ACACA: variants seen among roughly 807,000 people sequenced by gnomAD.
The protein encoded by ACACA is acetyl-CoA carboxylase alpha, also known as acetyl-CoA carboxylase 1.
A neutral mutation model predicts 296.1 loss-of-function variants in ACACA; 103 were observed. That is an observed-to-expected ratio of 0.35 (90% CI 0.30 to 0.41). The LOEUF is 0.41. Among genes scored for constraint, ACACA ranks in the 10% least tolerant of loss-of-function variants. The pLI, the probability that ACACA is intolerant of heterozygous loss-of-function variation, is 1.00. For synonymous variants in ACACA, 953 were observed against 1,038.6 expected (o/e 0.92, Z 1.58); for missense variants, 1,554 against 2,989.7 (o/e 0.52, Z 11.20).
chr17:37,179,201 G>A (rs563338096), intron 41 of ACACA, 59 bp downstream of exon 41: 2 of 1,608,912 alleles, frequency 1.2e-6, no homozygotes, highest in South Asian at 1.1e-5. Context: ...CCACCTCACA[G>A]AAAGCTGGTA....
intron 45 of ACACA, among the ~76,000 whole-genome samples, chr17:37,134,890 C>G (rs2075268384): frequency 6.6e-6 from 1 of 151,966 alleles, no homozygotes; most frequent in Non-Finnish European, 1.5e-5. Flanking sequence ...TGGGATCTGT[C>G]AGGTTATTGA....
chr17:37,199,239 C>CA (rs1367557401), intron 35 of ACACA, among the ~76,000 whole-genome samples: 1,300 of 95,606 alleles, frequency 0.014, 24 homozygotes, highest in East Asian at 0.078. Context: ...GACACTCTCT[C>CA]AAAAAAAAAA....
intron 1 of ACACA, among the ~76,000 whole-genome samples, chr17:37,353,835 T>C (rs1165783907): frequency 6.6e-6 from 1 of 151,708 alleles, no homozygotes; most frequent in East Asian, 2.0e-4. Flanking sequence ...TTGCTGGGCA[T>C]GGTGGCTCAT....
chr17:37,367,375 C>A (rs2049646341), intron 1 of ACACA, among the ~76,000 whole-genome samples: 2 of 152,028 alleles, frequency 1.3e-5, no homozygotes, highest in Admixed American at 6.6e-5. Flanking sequence ...AGAACCGATT[C>A]TTGGTATTGG....
intron 52 of ACACA, 30 bp downstream of exon 52, chr17:37,111,501 T>A (rs368481786): frequency 6.5e-7 from 1 of 1,539,178 alleles, no homozygotes; most frequent in Admixed American, 1.7e-5. Flanking sequence ...GAATGGCTCA[T>A]TGATTTGCCA....
At chr17:37,215,536 G>A (rs2078943863) in intron 29 of ACACA, among the ~76,000 whole-genome samples, 1 of 152,294 alleles carries the variant, frequency 6.6e-6, no homozygotes, top group East Asian at 1.9e-4. Context: ...CTTTACATAT[G>A]TTTGTATAAA....
intron 1 of ACACA, chr17:37,376,141 A>G: frequency 6.2e-6 from 10 of 1,611,532 alleles, no homozygotes; most frequent in Non-Finnish European, 8.5e-6. Context: ...CTATGATGCC[A>G]ACAAGAAAGG....
At chr17:37,245,300 C>T in intron 19 of ACACA, 86 bp from the exon 20 acceptor site, 1 of 1,385,718 alleles carries the variant, frequency 7.2e-7, no homozygotes, top group Non-Finnish European at 1.0e-6. Flanking sequence ...CCCTTAGCAT[C>T]TAAGTTGGAC....
chr17:37,251,418 A>G (rs1279328689), intron 16 of ACACA, among the ~76,000 whole-genome samples: 2 of 152,274 alleles, frequency 1.3e-5, no homozygotes, highest in Non-Finnish European at 2.9e-5. Context: ...GGGAGTTGAT[A>G]TAAGTCTAAC....
At chr17:37,147,020 G>C (rs2075840157) in intron 45 of ACACA, among the ~76,000 whole-genome samples, 1 of 151,850 alleles carries the variant, frequency 6.6e-6, no homozygotes, top group South Asian at 2.1e-4. Flanking sequence ...TTTTCAAAGG[G>C]GTCAACAGGA....
At chr17:37,114,418 A>T (rs1044624097) in intron 50 of ACACA, among the ~76,000 whole-genome samples, 1 of 151,506 alleles carries the variant, frequency 6.6e-6, no homozygotes, top group Non-Finnish European at 1.5e-5. Context: ...CCATAGTCCC[A>T]GCAACCCAGG....
intron 19 of ACACA, among the ~76,000 whole-genome samples, chr17:37,246,395 A>T (rs888523263): frequency 6.6e-6 from 1 of 151,892 alleles, no homozygotes; most frequent in Non-Finnish European, 1.5e-5. Flanking sequence ...TTTCTTTTTC[A>T]TTCTTATTTC....
intron 1 of ACACA, among the ~76,000 whole-genome samples, chr17:37,356,115 C>G (rs2049129883): frequency 6.6e-6 from 1 of 151,962 alleles, no homozygotes. Flanking sequence ...TTGCAGTGAG[C>G]CGAGATCGTG....
At chr17:37,177,269 C>CGTGTGTGTGT (rs112439511) in intron 41 of ACACA, among the ~76,000 whole-genome samples, 221 of 146,530 alleles carry the variant, frequency 1.5e-3, no homozygotes, top group African/African-American at 5.3e-3. Context: ...TTAAAAAATT[C>CGTGTGTGTGT]GTGTGTGTGT....
chr17:37,356,684 A>G (rs922536285), intron 1 of ACACA, among the ~76,000 whole-genome samples: 4 of 152,200 alleles, frequency 2.6e-5, no homozygotes, highest in South Asian at 2.1e-4. Flanking sequence ...GGCAGCTTCT[A>G]TAATTGTTAA....
intron 26 of ACACA, chr17:37,225,420 T>G: frequency 3.2e-6 from 1 of 312,388 alleles, no homozygotes; most frequent in Non-Finnish European, 6.1e-6. Flanking sequence ...CTGCTGGTCC[T>G]AGGGACTGCA....
intron 1 of ACACA, among the ~76,000 whole-genome samples, chr17:37,390,330 A>ATACATATATATATATATATATC (rs2050815584): frequency 2.4e-5 from 1 of 41,592 alleles, no homozygotes; most frequent in Non-Finnish European, 3.7e-5. Flanking sequence ...ATATATATAT[A>ATACATATATATATATATATATC]TATAAAAGGC....
chr17:37,256,917 T>G (rs890159288), intron 14 of ACACA, among the ~76,000 whole-genome samples: 8 of 152,160 alleles, frequency 5.3e-5, no homozygotes, highest in African/African-American at 1.7e-4. Flanking sequence ...GGAATGGTAT[T>G]AAATGTTTGA....
intron 1 of ACACA, among the ~76,000 whole-genome samples, chr17:37,393,220 G>C (rs12945602): frequency 0.44 from 65,890 of 151,302 alleles, 15,925 homozygotes; most frequent in East Asian, 0.8. Flanking sequence ...AGAGAGGAAA[G>C]AGCACTGAGG....
Sources: gnomAD v4.1 joint callset for allele counts (sites outside exome capture counted in the v4.1 genomes callset) on GRCh38, gnomAD v4.1.1 for gene constraint, MANE v1.5 for transcripts, NCBI Gene and HGNC (gene_info 2026-07-23, HGNC 2026-07-21) for gene names.